The following PIBF1 variants were observed in gnomAD, a reference collection of about 807,000 sequenced individuals.
The protein encoded by PIBF1 is progesterone immunomodulatory binding factor 1, also known as progesterone-induced-blocking factor 1.
Under a neutral mutation model 112.5 loss-of-function variants are expected in PIBF1, and 90 were observed. That is an observed-to-expected ratio of 0.80 (90% CI 0.67 to 0.95). The LOEUF is 0.95. Ranked by LOEUF, PIBF1 falls within the 40% of genes least tolerant of loss-of-function variation. PIBF1 has a pLI of 0.00. For missense variants in PIBF1, 915 were observed against 852.3 expected, an observed-to-expected ratio of 1.07 and a Z score of -0.92; for synonymous variants, 301 against 288.6, an observed-to-expected ratio of 1.04 and a Z score of -0.44.
intron 9 of PIBF1, among the ~76,000 whole-genome samples, chr13:72,853,768 A>G (rs2038281753): frequency 6.6e-6 from 1 of 152,144 alleles, no homozygotes; most frequent in Non-Finnish European, 1.5e-5. Context: ...CACCTATCTC[A>G]TTGGATTCTC....
chr13:72,784,450 G>GTAATAA (rs956181370), intron 2 of PIBF1, among the ~76,000 whole-genome samples: 5 of 146,304 alleles, frequency 3.4e-5, no homozygotes, highest in South Asian at 4.4e-4. Flanking sequence ...TCAAAAACTA[G>GTAATAA]TAATAATAAT....
chr13:72,800,477 C>T (rs1375245917), intron 5 of PIBF1, among the ~76,000 whole-genome samples: 1 of 152,230 alleles, frequency 6.6e-6, no homozygotes, highest in Non-Finnish European at 1.5e-5. Context: ...TTTCTCATCT[C>T]TGCGACTTGA....
intron 16 of PIBF1, among the ~76,000 whole-genome samples, chr13:72,983,221 G>A (rs1448031298): frequency 1.3e-5 from 2 of 151,996 alleles, no homozygotes; most frequent in African/African-American, 4.8e-5. Context: ...GATCCTTTAA[G>A]CCCAGGAGGT....
At chr13:72,904,988 T>G (rs1483858985) in intron 11 of PIBF1, among the ~76,000 whole-genome samples, 1 of 152,104 alleles carries the variant, frequency 6.6e-6, no homozygotes, top group Admixed American at 6.5e-5. Flanking sequence ...GGTTATATTA[T>G]TTAATATCGC....
chr13:72,969,029 CA>C (rs61203961), intron 15 of PIBF1, among the ~76,000 whole-genome samples: 15,501 of 144,720 alleles, frequency 0.11, 2,264 homozygotes, highest in African/African-American at 0.34. Context: ...AACTCTGTCT[CA>C]AAAAAAAAAT....
At chr13:72,939,115 GTTGTCTTTCCTCCAC>G (rs2041946566) in intron 14 of PIBF1, among the ~76,000 whole-genome samples, 1 of 152,228 alleles carries the variant, frequency 6.6e-6, no homozygotes, top group African/African-American at 2.4e-5. Context: ...TTCTGTGTGG[GTTGTCTTTCCTCCAC>G]TTGTTAGTGT....
chr13:72,804,676 A>AC (rs997759146), intron 5 of PIBF1, among the ~76,000 whole-genome samples: 14 of 151,142 alleles, frequency 9.3e-5, no homozygotes, highest in Non-Finnish European at 1.5e-4. Context: ...GGTCAGGGAG[A>AC]CCCCCCTGTT....
At chr13:72,792,021 C>T (rs1306274162) in intron 2 of PIBF1, among the ~76,000 whole-genome samples, 3 of 151,960 alleles carry the variant, frequency 2.0e-5, no homozygotes, top group East Asian at 2.0e-4. Context: ...GGAGGCCAGG[C>T]GCGGTGGCTC....
At chr13:72,874,447 A>G (rs1257308474) in intron 10 of PIBF1, among the ~76,000 whole-genome samples, 1 of 152,218 alleles carries the variant, frequency 6.6e-6, no homozygotes, top group Non-Finnish European at 1.5e-5. Context: ...TTTTTATTAT[A>G]AAAGTTCTAT....
intron 10 of PIBF1, among the ~76,000 whole-genome samples, chr13:72,858,906 T>A (rs551407096): frequency 1.3e-5 from 2 of 152,218 alleles, no homozygotes; most frequent in African/African-American, 4.8e-5. Context: ...TTCTTGCAAC[T>A]ATTAAGGAAC....
chr13:72,872,614 A>C (rs2039215374), intron 10 of PIBF1, among the ~76,000 whole-genome samples: 1 of 152,258 alleles, frequency 6.6e-6, no homozygotes, highest in African/African-American at 2.4e-5. Context: ...TGTTTAATTA[A>C]TTTTATTCTC....
At chr13:72,843,291 A>G (rs2037692480) in intron 9 of PIBF1, among the ~76,000 whole-genome samples, 2 of 152,248 alleles carry the variant, frequency 1.3e-5, no homozygotes, top group South Asian at 4.1e-4. Context: ...ATGAATTTAA[A>G]GAATACGTAG....
intron 7 of PIBF1, 84 bp downstream of exon 7, chr13:72,827,202 A>AT (rs2036853966): frequency 2.2e-5 from 11 of 499,236 alleles, no homozygotes; most frequent in Admixed American, 8.3e-5. Context: ...AAGGAGAGAC[A>AT]TTTTTTTTGT....
chr13:72,905,651 G>A (rs1290760976), intron 11 of PIBF1, among the ~76,000 whole-genome samples: 1 of 152,070 alleles, frequency 6.6e-6, no homozygotes, highest in African/African-American at 2.4e-5. Flanking sequence ...TCTGTTGCAG[G>A]TGATTCTCCC....
At chr13:72,983,868 T>G (rs1007136269) in intron 16 of PIBF1, among the ~76,000 whole-genome samples, 2 of 152,194 alleles carry the variant, frequency 1.3e-5, no homozygotes, top group Admixed American at 1.3e-4. Context: ...AAAAAAAAAC[T>G]ACTGAGCGGG....
At chr13:72,914,385 AC>A (rs1382334806) in intron 12 of PIBF1, among the ~76,000 whole-genome samples, 3 of 152,104 alleles carry the variant, frequency 2.0e-5, no homozygotes, top group Non-Finnish European at 2.9e-5. Flanking sequence ...GAAAAAAAAA[AC>A]AACCTAGATT....
chr13:72,948,110 G>C (rs2042198619), intron 14 of PIBF1, among the ~76,000 whole-genome samples: 1 of 152,048 alleles, frequency 6.6e-6, no homozygotes, highest in South Asian at 2.1e-4. Context: ...TATAGCATTA[G>C]GAGAAGTACC....
chr13:72,972,768 A>G (rs2042929993), intron 15 of PIBF1, among the ~76,000 whole-genome samples: 1 of 152,200 alleles, frequency 6.6e-6, no homozygotes, highest in African/African-American at 2.4e-5. Flanking sequence ...AATTGCCACC[A>G]TGCCAGGCCA....
rs559907166 is a variant in PIBF1, at chr13:72,793,829, G to A, written c.353+1282G>A. Among the ~76,000 whole-genome samples, 357 of 152,316 alleles carry A rather than the reference G, an allele frequency of 2.3e-3. 3 individuals are homozygous for A. Among genetic ancestry groups the A allele is most frequent in the African/African-American group, 7.9e-3 (330 of 41,568 alleles). ...GTCAGCTAAGAAGAAAGAAATCATGGTAGCAAAGGTTTTGTGAGTAAAAAG... is the reference window on the plus strand; with the variant it reads ...GTCAGCTAAGAAGAAAGAAATCATGATAGCAAAGGTTTTGTGAGTAAAAAG... On this transcript the variant is annotated intron_variant, in intron 3 of 17. Coordinates refer to ENST00000326291, the MANE Select transcript of PIBF1 (RefSeq NM_006346.4).
Sources: allele counts gnomAD v4.1 joint callset (sites outside exome capture counted in the v4.1 genomes callset), GRCh38; gene constraint gnomAD v4.1.1; transcripts MANE v1.5; gene names NCBI Gene and HGNC (gene_info 2026-07-23, HGNC 2026-07-21).